Variants in LRP1B observed in about 807,000 individuals in gnomAD.
LRP1B encodes low-density lipoprotein receptor-related protein 1B.
Under a neutral mutation model 556.6 loss-of-function variants are expected in LRP1B, and 217 were observed. The ratio of observed to expected loss-of-function variants is 0.39; its 90% CI spans 0.35 to 0.44. The LOEUF is 0.44. Among genes scored for constraint, LRP1B ranks in the 20% least tolerant of loss-of-function variants. The pLI is 1.00. For missense variants in LRP1B, 5,053 were observed against 5,620.8 expected (o/e 0.90, Z 3.23); for synonymous variants, 2,047 against 1,865.8 (o/e 1.10, Z -2.50).
At chr2:141,905,253 A>G (rs1182370617) in intron 1 of LRP1B, among the ~76,000 whole-genome samples, 4 of 151,890 alleles carry the variant, frequency 2.6e-5, no homozygotes, top group African/African-American at 9.7e-5. Context: ...GCTGGCTCCA[A>G]AGGCATCTTC....
At chr2:141,362,334 T>G (rs369768330) in intron 3 of LRP1B, among the ~76,000 whole-genome samples, 3 of 152,308 alleles carry the variant, frequency 2.0e-5, no homozygotes, top group South Asian at 4.1e-4. Flanking sequence ...AATGATGACA[T>G]GCATTGCATT....
At chr2:140,553,328 T>C (rs1411587182) in intron 43 of LRP1B, among the ~76,000 whole-genome samples, 1 of 151,912 alleles carries the variant, frequency 6.6e-6, no homozygotes, top group Non-Finnish European at 1.5e-5. Context: ...AAATACAAGA[T>C]GCCTAAATGA....
intron 56 of LRP1B, among the ~76,000 whole-genome samples, chr2:140,492,932 A>G (rs1033622295): frequency 4.6e-5 from 7 of 152,198 alleles, no homozygotes; most frequent in South Asian, 4.1e-4. Context: ...TCCTCTCAAT[A>G]TTCTTGACAT....
At chr2:141,567,480 G>T (rs1046878047) in intron 2 of LRP1B, among the ~76,000 whole-genome samples, 1 of 151,922 alleles carries the variant, frequency 6.6e-6, no homozygotes, top group Admixed American at 6.6e-5. Context: ...TTCTTTTTAC[G>T]TAGGTTTCCT....
At chr2:142,078,185 A>G (rs1011079105) in intron 1 of LRP1B, among the ~76,000 whole-genome samples, 1 of 152,106 alleles carries the variant, frequency 6.6e-6, no homozygotes, top group African/African-American at 2.4e-5. Context: ...GCTCTCTACA[A>G]ACTGATTGAA....
chr2:141,845,631 T>C (rs1697619980), intron 1 of LRP1B, among the ~76,000 whole-genome samples: 1 of 151,856 alleles, frequency 6.6e-6, no homozygotes, highest in African/African-American at 2.4e-5. Context: ...GACTCTAGTC[T>C]TTTGTACCTC....
intron 60 of LRP1B, among the ~76,000 whole-genome samples, chr2:140,466,204 A>G (rs1302848371): frequency 6.7e-6 from 1 of 149,882 alleles, no homozygotes; most frequent in Non-Finnish European, 1.5e-5. Context: ...TGGGTTTCGG[A>G]ATATGTGAAC....
chr2:140,968,566 T>C (rs950874067), intron 18 of LRP1B, among the ~76,000 whole-genome samples: 3 of 152,064 alleles, frequency 2.0e-5, no homozygotes, highest in African/African-American at 7.2e-5. Context: ...TCTTGCCTTC[T>C]GCTAGCTTTT....
intron 1 of LRP1B, among the ~76,000 whole-genome samples, chr2:141,852,992 A>T (rs1023961781): frequency 5.3e-5 from 8 of 151,780 alleles, no homozygotes; most frequent in African/African-American, 1.7e-4. Flanking sequence ...TATATACATT[A>T]AAAAAATGGA....
At chr2:141,197,289 A>G (rs1004959800) in intron 6 of LRP1B, among the ~76,000 whole-genome samples, 2 of 152,082 alleles carry the variant, frequency 1.3e-5, no homozygotes, top group Non-Finnish European at 2.9e-5. Context: ...CCCCACTGGA[A>G]AAACCCTACC....
chr2:142,027,248 G>A (rs1325140512), intron 1 of LRP1B, among the ~76,000 whole-genome samples: 1 of 151,382 alleles, frequency 6.6e-6, no homozygotes, highest in African/African-American at 2.4e-5. Flanking sequence ...CCAACAGACT[G>A]TCTAGTCTAA....
chr2:140,367,427 C>T (rs1304201589), intron 71 of LRP1B, among the ~76,000 whole-genome samples: 1 of 151,716 alleles, frequency 6.6e-6, no homozygotes, highest in Non-Finnish European at 1.5e-5. Context: ...CAGACAAAGG[C>T]AAGAGCTGGG....
chr2:140,814,736 G>A (rs1270949176), intron 31 of LRP1B, among the ~76,000 whole-genome samples: 1 of 152,168 alleles, frequency 6.6e-6, no homozygotes, highest in South Asian at 2.1e-4. Flanking sequence ...TTTGGTGGTT[G>A]ATATGGGGGA....
rs752386331 is a variant in LRP1B at position 141,304,346 on chromosome 2, C to T, written c.344-49705G>A. Among the ~76,000 whole-genome samples the T allele has an allele frequency of 7.9e-5, 12 of 151,768 alleles. No homozygotes were observed. In the South Asian group the frequency reaches 1.0e-3, roughly 13 times the overall value. On this transcript the variant is annotated intron_variant, in intron 3 of 90. Transcript: ENST00000389484. ...GTCATAAAATATTTGCCTAGATCAA[C>T]GTATTGAAGTCTTACCGTTAAATTT...
chr2:140,794,540 G>C (rs1559123297), intron 32 of LRP1B, among the ~76,000 whole-genome samples: 1 of 150,768 alleles, frequency 6.6e-6, no homozygotes, highest in South Asian at 2.1e-4. Flanking sequence ...GAGCTGTCCA[G>C]ATGAATTTCC....
intron 3 of LRP1B, among the ~76,000 whole-genome samples, chr2:141,323,235 T>G (rs1200481625): frequency 6.6e-6 from 1 of 152,014 alleles, no homozygotes; most frequent in East Asian, 1.9e-4. Context: ...ACTGATAAAT[T>G]TACGTAGTTC....
chr2:141,580,214 T>G (rs1314110318), intron 2 of LRP1B, among the ~76,000 whole-genome samples: 1 of 152,188 alleles, frequency 6.6e-6, no homozygotes, highest in African/African-American at 2.4e-5. Context: ...TGTACATAAA[T>G]AGTTTTTTTA....
intron 32 of LRP1B, among the ~76,000 whole-genome samples, chr2:140,804,843 G>T (rs1158640826): frequency 6.6e-6 from 1 of 151,888 alleles, no homozygotes; most frequent in Non-Finnish European, 1.5e-5. Flanking sequence ...CTGACATGCA[G>T]ATGGTGTCTG....
At chr2:141,018,687 G>T (rs1013297379) in intron 12 of LRP1B, among the ~76,000 whole-genome samples, 1 of 152,124 alleles carries the variant, frequency 6.6e-6, no homozygotes, top group Non-Finnish European at 1.5e-5. Context: ...TTTTAAGATA[G>T]ATTTGAAATT....
Sources: gnomAD v4.1 joint callset for allele counts (sites outside exome capture counted in the v4.1 genomes callset) on GRCh38, gnomAD v4.1.1 for gene constraint, MANE v1.5 for transcripts, NCBI Gene and HGNC (gene_info 2026-07-23, HGNC 2026-07-21) for gene names.